The following TP73 variants were observed in gnomAD, a reference collection of about 807,000 sequenced individuals.
TP73 encodes the protein p53-like transcription factor.
In TP73, 25 loss-of-function variants were observed where a neutral mutation model predicts 62.5. The ratio of observed to expected loss-of-function variants is 0.40; its 90% CI spans 0.29 to 0.56. The LOEUF is 0.56. Ranked by LOEUF, TP73 falls within the 20% of genes least tolerant of loss-of-function variation. The pLI, the probability that TP73 is intolerant of heterozygous loss-of-function variation, is 0.46. For missense variants in TP73, 754 were observed against 913.3 expected (o/e 0.83, Z 2.25); for synonymous variants, 423 against 377.5 (o/e 1.12, Z -1.40).
chr1:3,656,787 C>G (rs938528819), intron 1 of TP73, among the ~76,000 whole-genome samples: 1 of 152,206 alleles, frequency 6.6e-6, no homozygotes, highest in Non-Finnish European at 1.5e-5. Context: ...GGTAGAGAGT[C>G]CAGGGTGCTG....
chr1:3,731,172 G>A (rs1173857034), intron 12 of TP73, 107 bp downstream of exon 12: 42 of 1,460,652 alleles, frequency 2.9e-5, no homozygotes, highest in Admixed American at 2.6e-4. Context: ...CTCACCACTC[G>A]CAACCCTGGA....
intron 3 of TP73, among the ~76,000 whole-genome samples, chr1:3,686,657 T>A (rs957825425): frequency 6.6e-6 from 1 of 152,138 alleles, no homozygotes; most frequent in East Asian, 1.9e-4. Context: ...TTGGGGAGAC[T>A]GTGAGCTCTG....
chr1:3,654,139 A>T (rs1644816426), intron 1 of TP73, among the ~76,000 whole-genome samples: 1 of 152,178 alleles, frequency 6.6e-6, no homozygotes, highest in South Asian at 2.1e-4. Context: ...ATGCCACTGC[A>T]CTCCAGCCTG....
chr1:3,653,555 C>T (rs1570326295), intron 1 of TP73, among the ~76,000 whole-genome samples: 1 of 152,240 alleles, frequency 6.6e-6, no homozygotes, highest in Non-Finnish European at 1.5e-5. Flanking sequence ...AAACTTCTGA[C>T]CAGAGGTCAT....
At chr1:3,688,154 TCAGCTCTGAGACTCCAGCC>T (rs1206903188) in intron 3 of TP73, among the ~76,000 whole-genome samples, 1 of 151,958 alleles carries the variant, frequency 6.6e-6, no homozygotes, top group African/African-American at 2.4e-5. Context: ...CTCACCACGG[TCAGCTCTGAGACTCCAGCC>T]CACCCGTTAC....
chr1:3,703,085 G>T (rs1639332574), intron 3 of TP73, among the ~76,000 whole-genome samples: 2 of 152,138 alleles, frequency 1.3e-5, no homozygotes, highest in African/African-American at 4.8e-5. Flanking sequence ...TAAGGGGGAG[G>T]TCAGAGACCC....
In TP73 at chr1:3,714,866, G is replaced by A. The variant is rs373353625; in HGVS notation, c.429+7075G>A. ...CCTCTGTCCCCAAGGCCCCAGATGG[G>A]GTACCTGGGTCCTGGAATAAGAGCA... On this transcript the variant is annotated intron_variant, in intron 4 of 13. Transcript: ENST00000378295. Among the ~76,000 whole-genome samples, 15 of 152,356 alleles carry A rather than the reference G, an allele frequency of 9.8e-5. 1 individual carries two copies. The highest frequency in any genetic ancestry group is 9.7e-4 in the East Asian group (5 of 5,178).
In TP73 at chr1:3,666,777, A is replaced by AGT. The variant is rs1328569654; in HGVS notation, c.-34+14138_-34+14139dup. Reference sequence around the variant, plus strand: ...ATGGTGCTCTGAGCAGACGCGACTCAGTGCCATGCGGGCGTCTCTCCCAGG... The same window carrying AGT: ...ATGGTGCTCTGAGCAGACGCGACTCAGTGTGCCATGCGGGCGTCTCTCCCAGG... On this transcript the variant is annotated intron_variant, in intron 1 of 13. Coordinates refer to ENST00000378295, the MANE Select transcript of TP73 (RefSeq NM_005427.4). The surrounding 1 kb of genome is among the most constrained non-coding windows in gnomAD (Gnocchi z 6.4). Among the ~76,000 whole-genome samples, 1 of 152,180 alleles carries AGT rather than the reference A, an allele frequency of 6.6e-6. No homozygotes were observed. The highest frequency in any genetic ancestry group is 1.5e-5 in the Non-Finnish European group (1 of 68,032).
intron 3 of TP73, among the ~76,000 whole-genome samples, chr1:3,687,821 C>T (rs1041804650): frequency 2.0e-5 from 3 of 152,160 alleles, no homozygotes; most frequent in Non-Finnish European, 4.4e-5. Context: ...GGCCACAGAG[C>T]GGGGTCTACA....
chr1:3,729,208 TG>T (rs1641926855), intron 9 of TP73, 118 bp from the exon 10 acceptor site: 3 of 1,413,700 alleles, frequency 2.1e-6, no homozygotes, highest in Non-Finnish European at 2.9e-6. Flanking sequence ...TCTGGGGTGC[TG>T]GGGAACCCCC....
Position 3,662,348 on chromosome 1 carries a change from A to C in TP73, c.-34+9707A>C, listed in dbSNP as rs1645012567. ...ATATGTCCACGAATGGGAGTCCCAC[A>C]CGGAGATGAAACTGGGGGAAGGGGC... On this transcript the variant is annotated intron_variant, in intron 1 of 13. Transcript: ENST00000378295. This position sits in a 1 kb window ranked among gnomAD's most constrained non-coding sequence, Gnocchi z 4.4. 1 of 152,268 alleles carries C rather than the reference A, an allele frequency of 6.6e-6. No individual in the cohort carries two copies. The highest frequency in any genetic ancestry group is 6.5e-5 in the Admixed American group (1 of 15,286). 9.4% of individuals were successfully genotyped at this position (152,268 alleles called of 1,614,324 possible).
Position 3,734,753 on chromosome 1 carries a change from C to T in TP73, c.*1674C>T, listed in dbSNP as rs114270141. 3,569 of 152,396 alleles carry T rather than the reference C, an allele frequency of 0.023. 59 individuals carry two copies. Among genetic ancestry groups the T allele is most frequent in the Non-Finnish European group, 0.037 (2,548 of 68,086 alleles). 9.4% of individuals were successfully genotyped at this position (152,396 alleles called of 1,614,324 possible). A position where few individuals can be genotyped will look rare whatever the true frequency, so the allele number is the denominator to read the frequency against. ...GGTACCTGGTCTACGAAGACGCAGG[C>T]ATCCCTCTCCCACCGTCCACCTCCC... On this transcript the variant is annotated 3_prime_UTR_variant, in exon 14 of 14. Transcript: ENST00000378295. This position sits in a 1 kb window ranked among gnomAD's most constrained non-coding sequence, Gnocchi z 4.4.
intron 3 of TP73, chr1:3,698,254 G>A (rs542721718): frequency 1.9e-5 from 6 of 316,884 alleles, no homozygotes; most frequent in South Asian, 1.2e-4. Context: ...AGCAGGGTTC[G>A]GAGAGGGGAG....
chr1:3,720,627 A>G (rs1431750257), intron 4 of TP73, among the ~76,000 whole-genome samples: 2 of 152,150 alleles, frequency 1.3e-5, no homozygotes, highest in Admixed American at 6.5e-5. Context: ...CCCACCCACC[A>G]TGGCTCGCAG....
Position 3,701,262 on chromosome 1 carries a change from C to G in TP73, c.187-6287C>G, listed in dbSNP as rs1639145124. 6.6e-6 allele frequency among the ~76,000 whole-genome samples: 1 copy of G among 152,114 alleles called. No homozygotes were observed. The highest frequency in any genetic ancestry group is 1.5e-5 in the Non-Finnish European group (1 of 68,004). On this transcript the variant is annotated intron_variant, in intron 3 of 13. Coordinates refer to ENST00000378295, the MANE Select transcript of TP73 (RefSeq NM_005427.4). The surrounding 1 kb of genome is among the most constrained non-coding windows in gnomAD (Gnocchi z 4.7). The stretch of plus-strand genomic sequence containing the variant: ...CGTCCCTGTGCCCAGGGCTTAGCGA[C>G]TGTCCTCTGCGTAGTGAATCTGGAT...
At chr1:3,664,756 C>A (rs1368082157) in intron 1 of TP73, among the ~76,000 whole-genome samples, 1 of 152,104 alleles carries the variant, frequency 6.6e-6, no homozygotes, top group Admixed American at 6.5e-5. Flanking sequence ...TGGGAGGCCT[C>A]GGCTGGGCCT....
intron 4 of TP73, among the ~76,000 whole-genome samples, chr1:3,717,829 C>T (rs1640733281): frequency 1.3e-5 from 2 of 152,220 alleles, no homozygotes; most frequent in Admixed American, 1.3e-4. Context: ...CACAGACATC[C>T]TCCCCGAGGC....
intron 3 of TP73, among the ~76,000 whole-genome samples, chr1:3,700,534 C>G (rs538814489): frequency 6.6e-6 from 1 of 152,178 alleles, no homozygotes; most frequent in Non-Finnish European, 1.5e-5. Flanking sequence ...AAATGCCCCA[C>G]GCCTGTAATC....
chr1:3,705,098 G>A (rs1272500093), intron 3 of TP73, among the ~76,000 whole-genome samples: 3 of 152,340 alleles, frequency 2.0e-5, no homozygotes, highest in Admixed American at 6.5e-5. Context: ...GGGCAGTGGC[G>A]TGATCTTGGC....
Sources: gnomAD v4.1 joint callset for allele counts (sites outside exome capture counted in the v4.1 genomes callset) on GRCh38, gnomAD v4.1.1 for gene constraint, Gnocchi (gnomAD v3.1) non-coding constraint, MANE v1.5 for transcripts, NCBI Gene and HGNC (gene_info 2026-07-23, HGNC 2026-07-21) for gene names.